UBE2F: variants seen among roughly 807,000 people sequenced by gnomAD.
UBE2F encodes NEDD8-conjugating enzyme UBE2F.
Under a neutral mutation model 29.6 loss-of-function variants are expected in UBE2F, and 5 were observed. The observed-to-expected ratio is 0.17, with a 90% CI of 0.09 to 0.36. The LOEUF (loss-of-function observed/expected upper bound fraction) is 0.36, where lower values mean the gene tolerates loss of function less well. Ranked by LOEUF, UBE2F falls within the 10% of genes least tolerant of loss-of-function variation. The probability of loss-of-function intolerance (pLI) is 1.00; values close to 1 mark genes in which losing one functional copy is unlikely to be tolerated. For synonymous variants in UBE2F, 66 were observed against 81.8 expected (o/e 0.81, Z 1.04); for missense variants, 141 against 228.5 (o/e 0.62, Z 2.47).
At chr2:238,017,659 A>G (rs1260752267) in intron 5 of UBE2F, among the ~76,000 whole-genome samples, 2 of 152,208 alleles carry the variant, frequency 1.3e-5, no homozygotes, top group African/African-American at 4.8e-5. Context: ...GTTGACGTAC[A>G]GGCAGTTCAG....
Position 238,016,571 on chromosome 2 carries a change from G to A in UBE2F, c.220G>A (p.Gly74Ser). ...TGTTTTGTGTTTTTTGATAGATGAG[G>A]GTTACTACCAGGGTGGAAAATTTCA... Reference protein sequence around the residue: ...CFQLTVTPDEGYYQGGKFQFE... With the variant: ...CFQLTVTPDESYYQGGKFQFE... Residue 74 changes from glycine to serine, a missense_variant, in exon 5 of 10, where the codon GGT becomes AGT. Transcript: ENST00000272930. 6.2e-7 allele frequency: 1 copy of A among 1,611,906 alleles called. No individual in the cohort carries two copies. The highest frequency in any genetic ancestry group is 1.1e-5 in the South Asian group (1 of 90,578).
chr2:238,035,199 C>G (rs1224193442), intron 8 of UBE2F: 1 of 152,358 alleles, frequency 6.6e-6, no homozygotes, highest in Non-Finnish European at 1.5e-5. Context: ...GCCAGGCAAG[C>G]CCCCTGATTC....
intron 9 of UBE2F, among the ~76,000 whole-genome samples, 183 bp from the exon 10 acceptor site, chr2:238,041,105 C>T (rs778857283): frequency 6.6e-6 from 1 of 152,170 alleles, no homozygotes; most frequent in African/African-American, 2.4e-5. Context: ...GTCTTGCGTG[C>T]AGTAGGCACC....
intron 6 of UBE2F, among the ~76,000 whole-genome samples, chr2:238,029,287 A>AT (rs1461819217): frequency 8.5e-5 from 12 of 140,816 alleles, no homozygotes; most frequent in Non-Finnish European, 1.8e-4. Context: ...TTAAAAAAAT[A>AT]AAAAAAAAAA....
At chr2:237,981,885 C>T (rs1207477736) in intron 2 of UBE2F, among the ~76,000 whole-genome samples, 1 of 152,062 alleles carries the variant, frequency 6.6e-6, no homozygotes, top group East Asian at 1.9e-4. Context: ...TCTCAGCCTC[C>T]CAAAGTGCTG....
At position 238,005,303 on chromosome 2, in the gene UBE2F, CT is replaced by C. The variant is rs547914403; in HGVS notation, c.214+10496del. Reference sequence around the variant, plus strand: ...CTCCACCTCCTGGGCTCAAGTTATCCTTCCGCCTCAGCCTCCTGAGGTAGCT... The same window carrying C: ...CTCCACCTCCTGGGCTCAAGTTATCCTCCGCCTCAGCCTCCTGAGGTAGCT... On this transcript the variant is annotated intron_variant, in intron 4 of 9. Transcript: ENST00000272930. Among the ~76,000 whole-genome samples the C allele has an allele frequency of 2.2e-4, 34 of 152,258 alleles. No homozygotes were observed. In the South Asian group the frequency reaches 6.8e-3, roughly 31 times the overall value.
intron 4 of UBE2F, among the ~76,000 whole-genome samples, chr2:237,999,311 C>T (rs1226772028): frequency 1.3e-5 from 2 of 152,110 alleles, no homozygotes; most frequent in African/African-American, 4.8e-5. Context: ...CTCAAGTGAT[C>T]CGCCCACCCT....
At chr2:238,017,359 A>G (rs998975889) in intron 5 of UBE2F, among the ~76,000 whole-genome samples, 2 of 152,222 alleles carry the variant, frequency 1.3e-5, no homozygotes, top group Non-Finnish European at 2.9e-5. Context: ...AGGGTATTCT[A>G]GGTGACATGG....
chr2:238,029,691 C>T (rs935828206), intron 6 of UBE2F, among the ~76,000 whole-genome samples: 2 of 152,094 alleles, frequency 1.3e-5, no homozygotes, highest in African/African-American at 4.8e-5. Flanking sequence ...ATGTCGGTGC[C>T]CGTGAGCTGC....
At chr2:237,971,411 C>A (rs531911802) in intron 1 of UBE2F, among the ~76,000 whole-genome samples, 4 of 152,198 alleles carry the variant, frequency 2.6e-5, no homozygotes, top group Non-Finnish European at 5.9e-5. Context: ...CAACCTCTGC[C>A]TCCCGGCTTC....
At chr2:237,986,750 C>T (rs2106341475) in intron 2 of UBE2F, among the ~76,000 whole-genome samples, 1 of 152,336 alleles carries the variant, frequency 6.6e-6, no homozygotes, top group South Asian at 2.1e-4. Context: ...GTTTTCCCAA[C>T]ACCATTTATT....
Position 238,040,969 on chromosome 2 carries a change from G to A in UBE2F, c.508-319G>A, listed in dbSNP as rs558692815. ...GTGGCCAAAGGAGTCTTGGCTTTGTGACCTCGACCACACTTTTCTGGGCTC... is the reference window on the plus strand; with the variant it reads ...GTGGCCAAAGGAGTCTTGGCTTTGTAACCTCGACCACACTTTTCTGGGCTC... On this transcript the variant is annotated intron_variant, in intron 9 of 9. Coordinates refer to ENST00000272930, the MANE Select transcript of UBE2F (RefSeq NM_080678.3). The surrounding 1 kb of genome is among the most constrained non-coding windows in gnomAD (Gnocchi z 4.4). 2.0e-5 allele frequency among the ~76,000 whole-genome samples: 3 copies of A among 152,230 alleles called. No individual in the cohort carries two copies. The highest frequency in any genetic ancestry group is 7.2e-5 in the African/African-American group (3 of 41,514).
At chr2:237,989,284 A>G (rs2063538027) in intron 3 of UBE2F, among the ~76,000 whole-genome samples, 1 of 152,142 alleles carries the variant, frequency 6.6e-6, no homozygotes, top group Admixed American at 6.6e-5. Flanking sequence ...TAGGAAAGAT[A>G]ATGGTGGATT....
chr2:238,037,899 C>CG (rs2064753388), intron 9 of UBE2F, among the ~76,000 whole-genome samples: 1 of 152,214 alleles, frequency 6.6e-6, no homozygotes, highest in South Asian at 2.1e-4. Context: ...CCTGATGTAG[C>CG]TTTGAACACA....
chr2:237,994,471 G>C (rs1559209412), intron 3 of UBE2F, among the ~76,000 whole-genome samples: 1 of 152,054 alleles, frequency 6.6e-6, no homozygotes, highest in African/African-American at 2.4e-5. Flanking sequence ...AAATGGTTTA[G>C]TGACCACTTA....
chr2:238,041,576 C>T lies in UBE2F; in HGVS notation c.*238C>T. 4.1e-6 allele frequency: 2 copies of T among 485,166 alleles called. No individual in the cohort carries two copies. Among genetic ancestry groups the T allele is most frequent in the South Asian group, 2.8e-5 (1 of 35,432 alleles). 30.1% of individuals were successfully genotyped at this position (485,166 alleles called of 1,614,324 possible). A position where few individuals can be genotyped will look rare whatever the true frequency, so the allele number is the denominator to read the frequency against. On this transcript the variant is annotated 3_prime_UTR_variant, in exon 10 of 10. Coordinates refer to ENST00000272930, the MANE Select transcript of UBE2F (RefSeq NM_080678.3). ...GGCTTCTGAAGAGTTGTCTGCTTAC[C>T]TTAACATGTTTACTTTTTTGAACTT...
At position 238,040,693 on chromosome 2, in the gene UBE2F, A is replaced by G. The variant is rs1351776770; in HGVS notation, c.508-595A>G. On this transcript the variant is annotated intron_variant, in intron 9 of 9. Coordinates refer to ENST00000272930, the MANE Select transcript of UBE2F (RefSeq NM_080678.3). The surrounding 1 kb of genome is among the most constrained non-coding windows in gnomAD (Gnocchi z 4.4). The stretch of plus-strand genomic sequence containing the variant: ...GTTCCACCCATACTGGCCTGGGGTG[A>G]TTCCTAGGTCCACACCGCCTTTGGT... Among the ~76,000 whole-genome samples, 1 of 152,044 alleles carries G rather than the reference A, an allele frequency of 6.6e-6. No homozygotes were observed. The highest frequency in any genetic ancestry group is 1.5e-5 in the Non-Finnish European group (1 of 68,016).
At chr2:237,996,469 C>T (rs1382215923) in intron 4 of UBE2F, among the ~76,000 whole-genome samples, 1 of 127,818 alleles carries the variant, frequency 7.8e-6, no homozygotes, top group East Asian at 2.6e-4. Context: ...CCCCGCCTCC[C>T]CTCCGCGTTT....
At position 237,975,934 on chromosome 2, in the gene UBE2F, G is replaced by C. The variant is rs115731871; in HGVS notation, c.118+2709G>C. 2.0e-3 allele frequency among the ~76,000 whole-genome samples: 295 copies of C among 150,876 alleles called. 2 individuals carry two copies. Among genetic ancestry groups the C allele is most frequent in the African/African-American group, 6.9e-3 (279 of 40,216 alleles). On this transcript the variant is annotated intron_variant, in intron 2 of 9. Transcript: ENST00000272930. ...CTAACAGGCATGAGCCACTGTGCCT[G>C]GCCTGTACTCTTTTTCTTACTCTCC...
Sources: allele counts gnomAD v4.1 joint callset (sites outside exome capture counted in the v4.1 genomes callset), GRCh38; gene constraint gnomAD v4.1.1; non-coding constraint Gnocchi (gnomAD v3.1); transcripts MANE v1.5; gene names NCBI Gene and HGNC (gene_info 2026-07-23, HGNC 2026-07-21).